Variants in LHFPL3 observed in about 807,000 individuals in gnomAD.
LHFPL3 encodes LHFPL tetraspan subfamily member 3 protein.
In LHFPL3, 5 loss-of-function variants were observed where a neutral mutation model predicts 19.3. The observed-to-expected ratio is 0.26, with a 90% CI of 0.14 to 0.54. The LOEUF is 0.54. Ranked by LOEUF, LHFPL3 falls within the 20% of genes least tolerant of loss-of-function variation. The pLI, the probability that LHFPL3 is intolerant of heterozygous loss-of-function variation, is 0.94. For synonymous variants in LHFPL3, 133 were observed against 126.2 expected, an observed-to-expected ratio of 1.05 and a Z score of -0.36; for missense variants, 249 against 307.4, an observed-to-expected ratio of 0.81 and a Z score of 1.42.
intron 1 of LHFPL3, among the ~76,000 whole-genome samples, chr7:104,677,759 G>A (rs1792620238): frequency 6.6e-6 from 1 of 152,174 alleles, no homozygotes. Context: ...TACAACTGAG[G>A]AACTGATATT....
At position 104,360,377 on chromosome 7, in the gene LHFPL3, G is replaced by A. The variant is rs1790368218; in HGVS notation, c.445+31153G>A. ...ATGCTTGTCATACTTTATCGTACCT[G>A]GCACAGAACTTGCCATAAAGTAAGA... On this transcript the variant is annotated intron_variant, in intron 1 of 2. Transcript: ENST00000424859. 2.6e-5 allele frequency among the ~76,000 whole-genome samples: 4 copies of A among 152,078 alleles called. No individual in the cohort carries two copies. The South Asian group carries it at 8.3e-4, about 31-fold the overall frequency.
intron 1 of LHFPL3, among the ~76,000 whole-genome samples, chr7:104,724,794 G>C (rs1793561127): frequency 6.6e-6 from 1 of 152,070 alleles, no homozygotes; most frequent in Non-Finnish European, 1.5e-5. Flanking sequence ...CAAAAGAAAA[G>C]AAAAGGCTGA....
At chr7:104,645,101 T>A (rs945248956) in intron 1 of LHFPL3, among the ~76,000 whole-genome samples, 46 of 152,338 alleles carry the variant, frequency 3.0e-4, no homozygotes, top group African/African-American at 1.1e-3. Flanking sequence ...GAATTCTTCA[T>A]ATCGCTTTGC....
intron 1 of LHFPL3, among the ~76,000 whole-genome samples, chr7:104,693,193 T>A (rs1200890728): frequency 6.6e-6 from 1 of 152,228 alleles, no homozygotes; most frequent in Admixed American, 6.5e-5. Context: ...ATTTATCCAA[T>A]GCCTGTACCC....
chr7:104,787,799 A>G (rs1304726893), intron 2 of LHFPL3, among the ~76,000 whole-genome samples: 6 of 152,128 alleles, frequency 3.9e-5, no homozygotes, highest in Non-Finnish European at 8.8e-5. Context: ...TTAGCCTCCC[A>G]GAGTGCTGGG....
At chr7:104,668,952 C>T in intron 1 of LHFPL3, 2 of 1,612,388 alleles carry the variant, frequency 1.2e-6, no homozygotes, top group South Asian at 1.1e-5. Context: ...GGGAGAGACA[C>T]CCAAGCTGGC....
At chr7:104,573,485 A>C (rs140106451) in intron 1 of LHFPL3, among the ~76,000 whole-genome samples, 286 of 152,292 alleles carry the variant, frequency 1.9e-3, no homozygotes, top group African/African-American at 6.7e-3. Flanking sequence ...ATTGGCTATT[A>C]AATGGTATAG....
chr7:104,676,685 TCAAAATGG>T (rs1792599482), intron 1 of LHFPL3, among the ~76,000 whole-genome samples: 1 of 152,182 alleles, frequency 6.6e-6, no homozygotes, highest in African/African-American at 2.4e-5. Flanking sequence ...ATAAATAACA[TCAAAATGG>T]CAAATAATGC....
At chr7:104,899,236 A>G (rs1489437713) in intron 2 of LHFPL3, among the ~76,000 whole-genome samples, 4 of 152,124 alleles carry the variant, frequency 2.6e-5, no homozygotes, top group Non-Finnish European at 5.9e-5. Context: ...ACCCCAGCCT[A>G]TTGAATGGGG....
intron 1 of LHFPL3, among the ~76,000 whole-genome samples, chr7:104,651,486 G>C (rs1379710764): frequency 6.6e-6 from 1 of 152,216 alleles, no homozygotes; most frequent in African/African-American, 2.4e-5. Flanking sequence ...CCTGGCAGTG[G>C]ATCAAATGCT....
chr7:104,802,036 TTTC>T (rs1318877835), intron 2 of LHFPL3, among the ~76,000 whole-genome samples: 1 of 152,150 alleles, frequency 6.6e-6, no homozygotes, highest in Non-Finnish European at 1.5e-5. Context: ...ACTGTTAACC[TTTC>T]TTCCCTACCT....
intron 1 of LHFPL3, among the ~76,000 whole-genome samples, chr7:104,355,104 T>C (rs1218328778): frequency 1.3e-5 from 2 of 152,218 alleles, no homozygotes; most frequent in African/African-American, 4.8e-5. Context: ...GCCTGATTAT[T>C]AGAAAGCTCT....
At chr7:104,549,750 T>A (rs1251939182) in intron 1 of LHFPL3, among the ~76,000 whole-genome samples, 1 of 152,178 alleles carries the variant, frequency 6.6e-6, no homozygotes, top group Non-Finnish European at 1.5e-5. Flanking sequence ...TTATTTATAA[T>A]TCAACTTATT....
intron 1 of LHFPL3, among the ~76,000 whole-genome samples, chr7:104,430,670 G>A (rs910854727): frequency 9.4e-5 from 14 of 149,568 alleles, no homozygotes; most frequent in Admixed American, 8.8e-4. Flanking sequence ...GGATTTCACC[G>A]TGTTTGCCAG....
intron 2 of LHFPL3, among the ~76,000 whole-genome samples, chr7:104,863,597 C>T: frequency 6.6e-6 from 1 of 152,198 alleles, no homozygotes; most frequent in Middle Eastern, 3.2e-3. Context: ...TGCTGAATAC[C>T]TACACGTGCC....
intron 2 of LHFPL3, among the ~76,000 whole-genome samples, chr7:104,801,853 A>G (rs1031805290): frequency 6.6e-6 from 1 of 152,224 alleles, no homozygotes; most frequent in Non-Finnish European, 1.5e-5. Context: ...TACAGATGTC[A>G]GCCACCATGC....
chr7:104,620,310 A>C lies in LHFPL3; in HGVS notation c.446-116365A>C, dbSNP rs570800178. ...TGCTTTGGATTTTTTCATTAGGAAT[A>C]ATCTTCACTCCACAATAGATTTATA... On this transcript the variant is annotated intron_variant, in intron 1 of 2. Coordinates refer to ENST00000424859, the MANE Select transcript of LHFPL3 (RefSeq NM_199000.3). 7.9e-4 allele frequency among the ~76,000 whole-genome samples: 120 copies of C among 152,310 alleles called. 2 individuals are homozygous for C. Among genetic ancestry groups the C allele is most frequent in the Non-Finnish European group, 1.4e-3 (95 of 68,018 alleles).
At chr7:104,689,373 T>C (rs1486194680) in intron 1 of LHFPL3, among the ~76,000 whole-genome samples, 2 of 152,158 alleles carry the variant, frequency 1.3e-5, no homozygotes, top group African/African-American at 4.8e-5. Context: ...AATCATGGTG[T>C]TCCTAGAAGT....
chr7:104,899,544 T>G (rs918442209), intron 2 of LHFPL3, among the ~76,000 whole-genome samples: 1 of 152,188 alleles, frequency 6.6e-6, no homozygotes, highest in Non-Finnish European at 1.5e-5. Context: ...GCTGGTAGTC[T>G]TTCCCACACA....
Sources: gnomAD v4.1 joint callset for allele counts (sites outside exome capture counted in the v4.1 genomes callset) on GRCh38, gnomAD v4.1.1 for gene constraint, MANE v1.5 for transcripts, NCBI Gene and HGNC (gene_info 2026-07-23, HGNC 2026-07-21) for gene names.